The following STUM variants were observed in gnomAD, a reference collection of about 807,000 sequenced individuals.
STUM encodes protein stum homolog.
In STUM, 8 loss-of-function variants were observed where a neutral mutation model predicts 15.3. That is an observed-to-expected ratio of 0.52 (90% CI 0.31 to 0.94). The LOEUF is 0.94. Ranked by LOEUF, STUM falls within the 40% of genes least tolerant of loss-of-function variation. The pLI, the probability that STUM is intolerant of heterozygous loss-of-function variation, is 0.05. For synonymous variants in STUM, 78 were observed against 88.7 expected (o/e 0.88, Z 0.68); for missense variants, 142 against 204.9 (o/e 0.69, Z 1.87).
At chr1:226,556,457 G>A (rs772900627) in intron 1 of STUM, among the ~76,000 whole-genome samples, 1 of 152,224 alleles carries the variant, frequency 6.6e-6, no homozygotes, top group Non-Finnish European at 1.5e-5. Context: ...ATTTCATCCA[G>A]TCTGCAGTGG....
intron 1 of STUM, among the ~76,000 whole-genome samples, chr1:226,587,834 G>A (rs1668020842): frequency 6.6e-6 from 1 of 152,246 alleles, no homozygotes; most frequent in South Asian, 2.1e-4. Context: ...CCCATCTCTA[G>A]TTGATCAAAG....
Position 226,606,082 on chromosome 1 carries a change from G to A in STUM, c.*4042G>A, listed in dbSNP as rs1218546561. On this transcript the variant is annotated 3_prime_UTR_variant, in exon 4 of 4. Transcript: ENST00000366788. ...AACTTTTCCCCTGGAGGGCAAAGGG[G>A]TCCGGCTCTCAAAAAGAAAAGCCAG... The A allele has an allele frequency of 5.3e-5, 8 of 152,210 alleles. No individual in the cohort carries two copies. The allele number at this position is 152,210 out of a possible 1,614,324, so 9.4% of individuals were successfully genotyped here.
chr1:226,584,070 C>T (rs1416879058), intron 1 of STUM, among the ~76,000 whole-genome samples: 2 of 152,072 alleles, frequency 1.3e-5, no homozygotes, highest in East Asian at 1.9e-4. Flanking sequence ...AGGACACATT[C>T]GGGATATCTT....
chr1:226,548,987 C>A lies in STUM; in HGVS notation c.83C>A (p.Ser28Tyr). 1 of 1,536,864 alleles carries A rather than the reference C, an allele frequency of 6.5e-7. No homozygotes were observed. The highest frequency in any genetic ancestry group is 8.7e-7 in the Non-Finnish European group (1 of 1,144,464). Residue 28 changes from serine to tyrosine, a missense_variant, in exon 1 of 4, where the codon TCC (serine) becomes TAC (tyrosine). Coordinates refer to ENST00000366788, the MANE Select transcript of STUM (RefSeq NM_001003665.4). ...GCGGACCCCCGGGGGGCGTCCTCGT[C>A]CAGCGGGGTGGTGGTGCAGGTCCGC... The part of the protein sequence containing the change: ...AAADPRGASS[S>Y]SGVVVQVREK...
At position 226,570,023 on chromosome 1, in the gene STUM, C is replaced by T. The variant is rs575224129; in HGVS notation, c.202+20917C>T. Among the ~76,000 whole-genome samples, 184 of 152,286 alleles carry T rather than the reference C, an allele frequency of 1.2e-3. 2 individuals carry two copies. Among genetic ancestry groups the T allele is most frequent in the African/African-American group, 4.3e-3 (178 of 41,560 alleles). On this transcript the variant is annotated intron_variant, in intron 1 of 3. Coordinates refer to ENST00000366788, the MANE Select transcript of STUM (RefSeq NM_001003665.4). ...TCAGGGTGACTGCCACACATCAGGG[C>T]TCCTCCTGTCCTCAGCTCAGCCCCC...
rs377564405 is a variant in STUM at position 226,600,657 on chromosome 1, C to T, written c.383-9C>T. The T allele has an allele frequency of 1.0e-3, 1,619 of 1,611,100 alleles. 24 individuals carry two copies. In the South Asian group the frequency reaches 0.017, roughly 17 times the overall value. On this transcript the variant is annotated splice_polypyrimidine_tract_variant and intron_variant, in intron 2 of 3. Transcript: ENST00000366788. The surrounding 1 kb of genome is among the most constrained non-coding windows in gnomAD (Gnocchi z 5.2). ...TCCTCCTGCTGCCTCCCACTCTGTGCTGCTGCAGTTTCCCAAGGTGAGTCT... is the reference window on the plus strand; with the variant it reads ...TCCTCCTGCTGCCTCCCACTCTGTGTTGCTGCAGTTTCCCAAGGTGAGTCT...
At chr1:226,590,250 A>T (rs1446240806) in intron 1 of STUM, among the ~76,000 whole-genome samples, 1 of 151,548 alleles carries the variant, frequency 6.6e-6, no homozygotes, top group Non-Finnish European at 1.5e-5. Context: ...CCTCACCCAC[A>T]CCCTGGAATC....
chr1:226,554,061 C>T (rs1326303674), intron 1 of STUM, among the ~76,000 whole-genome samples: 3 of 152,204 alleles, frequency 2.0e-5, no homozygotes, highest in Non-Finnish European at 2.9e-5. Flanking sequence ...CACTGATACC[C>T]GGTTTGGCCA....
At chr1:226,589,970 T>TA (rs1483694815) in intron 1 of STUM, among the ~76,000 whole-genome samples, 2 of 152,086 alleles carry the variant, frequency 1.3e-5, no homozygotes, top group Admixed American at 6.5e-5. Context: ...AAGCAATTCC[T>TA]AGATCCATCC....
In STUM at chr1:226,549,027, C is replaced by G; in HGVS notation, c.123C>G (p.Pro41=). ...TGCAGGTCCGCGAGAAGAAGGGCCC[C>G]CTGCGCGCCGCCATCCCCTACATGC... ...VVVQVREKKG[P]LRAAIPYMPF... Residue 41 remains proline (P), a synonymous_variant, in exon 1 of 4, where the codon CCC becomes CCG. Transcript: ENST00000366788. The surrounding 1 kb of genome is among the most constrained non-coding windows in gnomAD (Gnocchi z 6.8). The G allele has an allele frequency of 4.4e-6, 7 of 1,583,346 alleles. No homozygotes were observed. Among genetic ancestry groups the G allele is most frequent in the Non-Finnish European group, 6.0e-6 (7 of 1,167,914 alleles).
intron 1 of STUM, among the ~76,000 whole-genome samples, chr1:226,589,259 C>T (rs567745604): frequency 2.0e-5 from 3 of 152,316 alleles, no homozygotes; most frequent in Admixed American, 1.3e-4. Context: ...GGCTCTATCT[C>T]GTGGGAGCAG....
At chr1:226,596,346 CCT>C (rs1249096510) in intron 1 of STUM, among the ~76,000 whole-genome samples, 4 of 152,292 alleles carry the variant, frequency 2.6e-5, no homozygotes, top group Admixed American at 6.5e-5. Flanking sequence ...TGGCCCTTCC[CCT>C]CTCCTGAATT....
At chr1:226,582,496 G>A (rs1278054216) in intron 1 of STUM, among the ~76,000 whole-genome samples, 2 of 151,912 alleles carry the variant, frequency 1.3e-5, no homozygotes, top group African/African-American at 2.4e-5. Flanking sequence ...TGGGGAGGCT[G>A]AAGCAGGAGA....
chr1:226,581,518 G>A (rs1346015740), intron 1 of STUM, among the ~76,000 whole-genome samples: 1 of 152,206 alleles, frequency 6.6e-6, no homozygotes, highest in Non-Finnish European at 1.5e-5. Flanking sequence ...GCATCACTTG[G>A]TGACAGGGCA....
At position 226,600,648 on chromosome 1, in the gene STUM, C is replaced by T. The variant is rs1002043008; in HGVS notation, c.383-18C>T. 2.5e-6 allele frequency: 4 copies of T among 1,611,080 alleles called. No homozygotes were observed. Among genetic ancestry groups the T allele is most frequent in the African/African-American group, 1.3e-5 (1 of 75,048 alleles). ...CTCTCCTCTTCCTCCTGCTGCCTCCCACTCTGTGCTGCTGCAGTTTCCCAA... is the reference window on the plus strand; with the variant it reads ...CTCTCCTCTTCCTCCTGCTGCCTCCTACTCTGTGCTGCTGCAGTTTCCCAA... On this transcript the variant is annotated intron_variant, in intron 2 of 3. Coordinates refer to ENST00000366788, the MANE Select transcript of STUM (RefSeq NM_001003665.4). The surrounding 1 kb of genome is among the most constrained non-coding windows in gnomAD (Gnocchi z 5.2).
intron 1 of STUM, among the ~76,000 whole-genome samples, chr1:226,554,724 C>T (rs1306520487): frequency 6.6e-6 from 1 of 152,160 alleles, no homozygotes; most frequent in Non-Finnish European, 1.5e-5. Flanking sequence ...TGGCTCATTC[C>T]CAGCAGCACA....
At chr1:226,570,660 T>C (rs509600) in intron 1 of STUM, among the ~76,000 whole-genome samples, 39,729 of 152,084 alleles carry the variant, frequency 0.26, 7,917 homozygotes, top group African/African-American at 0.56. Flanking sequence ...TTGAGCTCCC[T>C]GCTTCCCCAG....
chr1:226,551,013 G>A (rs974384959), intron 1 of STUM, among the ~76,000 whole-genome samples: 43 of 151,074 alleles, frequency 2.8e-4, no homozygotes, highest in African/African-American at 6.3e-4. Context: ...AACCACAAAA[G>A]TAATAAAACA....
chr1:226,559,335 C>A (rs1423037478), intron 1 of STUM, among the ~76,000 whole-genome samples: 1 of 152,146 alleles, frequency 6.6e-6, no homozygotes, highest in Non-Finnish European at 1.5e-5. Context: ...GCGGCTGCAA[C>A]CCCTTCAATT....
Sources: allele counts gnomAD v4.1 joint callset (sites outside exome capture counted in the v4.1 genomes callset), GRCh38; gene constraint gnomAD v4.1.1; non-coding constraint Gnocchi (gnomAD v3.1); transcripts MANE v1.5; gene names NCBI Gene and HGNC (gene_info 2026-07-23, HGNC 2026-07-21).